CREB5: variants seen among roughly 807,000 people sequenced by gnomAD.
CREB5 encodes cAMP responsive element binding protein 5, also known as cyclic AMP-responsive element-binding protein 5.
A neutral mutation model predicts 57.1 loss-of-function variants in CREB5; 19 were observed. That is an observed-to-expected ratio of 0.33 (90% confidence interval 0.23 to 0.49). CREB5 has a LOEUF of 0.49. CREB5 is among the 20% of genes least tolerant of loss of function. CREB5 has a pLI of 0.99. For missense variants in CREB5, 579 were observed against 671.6 expected (o/e 0.86, Z 1.52); for synonymous variants, 238 against 238.3 (o/e 1.00, Z 0.01).
chr7:28,802,536 T>C (rs1191925772), intron 7 of CREB5, among the ~76,000 whole-genome samples: 1 of 152,228 alleles, frequency 6.6e-6, no homozygotes, highest in Non-Finnish European at 1.5e-5. Flanking sequence ...AACACAAATC[T>C]GGAAAGAACT....
rs535950833 is a variant in CREB5, at chr7:28,494,373, A to AT, written c.76-526dup. 1.9e-3 allele frequency among the ~76,000 whole-genome samples: 290 copies of AT among 152,250 alleles called. 2 individuals are homozygous for AT. The highest frequency in any genetic ancestry group is 6.5e-3 in the African/African-American group (269 of 41,560). ...TTAGGTAGGCATTAGGACACAGCTC[A>AT]TTTTTTTGTATATATATGTTATTTT... On this transcript the variant is annotated intron_variant, in intron 2 of 10. Transcript: ENST00000357727.
intron 1 of CREB5, among the ~76,000 whole-genome samples, chr7:28,436,118 A>AT (rs1292930198): frequency 1.5e-4 from 1 of 6,834 alleles, no homozygotes; most frequent in African/African-American, 1.4e-3. Context: ...TCACAAAGTG[A>AT]ATTTTTTTTT....
chr7:28,600,132 C>A (rs1290705260), intron 5 of CREB5, among the ~76,000 whole-genome samples: 2 of 152,102 alleles, frequency 1.3e-5, no homozygotes, highest in Non-Finnish European at 2.9e-5. Context: ...CCTTTACATA[C>A]CTGTGTCCCT....
intron 1 of CREB5, among the ~76,000 whole-genome samples, chr7:28,398,209 C>T (rs928255564): frequency 6.6e-5 from 10 of 152,118 alleles, no homozygotes; most frequent in African/African-American, 2.4e-4. Context: ...CCATTTTCTC[C>T]TTCATTGTGT....
chr7:28,816,905 A>C (rs187062537), intron 9 of CREB5, among the ~76,000 whole-genome samples: 37 of 152,354 alleles, frequency 2.4e-4, no homozygotes, highest in South Asian at 1.7e-3. Flanking sequence ...CACAATTTTT[A>C]AGTGGCTTAT....
At chr7:28,376,208 G>A (rs6462079) in intron 1 of CREB5, among the ~76,000 whole-genome samples, 115,795 of 151,744 alleles carry the variant, frequency 0.76, 44,437 homozygotes, top group East Asian at 1. Flanking sequence ...CAAGCAAATG[G>A]TCTTCCTTTG....
At position 28,635,682 on chromosome 7, in the gene CREB5, T is replaced by C. The variant is rs138898206; in HGVS notation, c.464+65145T>C. 2.0e-5 allele frequency among the ~76,000 whole-genome samples: 3 copies of C among 152,366 alleles called. No homozygotes were observed. The East Asian group carries it at 5.8e-4, about 29-fold the overall frequency. On this transcript the variant is annotated intron_variant, in intron 5 of 10. Transcript: ENST00000357727. ...TGCCTATCACCATCATCTATCTATG[T>C]TAATTTTGGTTTAGGGTTTTATTAT...
chr7:28,506,358 G>A (rs1348838902), intron 3 of CREB5, among the ~76,000 whole-genome samples: 1 of 152,198 alleles, frequency 6.6e-6, no homozygotes, highest in African/African-American at 2.4e-5. Context: ...TTCAACTTGA[G>A]GGCACCTCTT....
At chr7:28,556,224 CA>C (rs1367008348) in intron 4 of CREB5, among the ~76,000 whole-genome samples, 1 of 152,168 alleles carries the variant, frequency 6.6e-6, no homozygotes. Flanking sequence ...CACCAGGTGC[CA>C]AATTCCATCT....
intron 7 of CREB5, among the ~76,000 whole-genome samples, chr7:28,755,140 A>G (rs980803977): frequency 1.3e-5 from 2 of 152,118 alleles, no homozygotes; most frequent in African/African-American, 4.8e-5. Context: ...GTCCCTCTGT[A>G]AGTTTATAGC....
At chr7:28,805,679 G>A (rs1448901433) in intron 8 of CREB5, among the ~76,000 whole-genome samples, 1 of 152,088 alleles carries the variant, frequency 6.6e-6, no homozygotes, top group African/African-American at 2.4e-5. Flanking sequence ...TCTTAGAGGT[G>A]TTCTACATTG....
At chr7:28,704,970 G>A (rs1230908606) in intron 5 of CREB5, among the ~76,000 whole-genome samples, 4 of 152,110 alleles carry the variant, frequency 2.6e-5, no homozygotes, top group African/African-American at 9.7e-5. Flanking sequence ...TATCATGCAG[G>A]ACTCAGTTAC....
At chr7:28,580,077 C>A (rs1039276985) in intron 5 of CREB5, among the ~76,000 whole-genome samples, 1 of 152,110 alleles carries the variant, frequency 6.6e-6, no homozygotes, top group Non-Finnish European at 1.5e-5. Context: ...GATGAATCTG[C>A]AAACTCAGTG....
chr7:28,642,742 A>T (rs1798705946), intron 5 of CREB5, among the ~76,000 whole-genome samples: 1 of 152,126 alleles, frequency 6.6e-6, no homozygotes, highest in Admixed American at 6.5e-5. Flanking sequence ...AGTTCTGTTA[A>T]CAAAGTTATT....
At chr7:28,455,737 G>A (rs957829375) in intron 1 of CREB5, among the ~76,000 whole-genome samples, 3 of 152,156 alleles carry the variant, frequency 2.0e-5, no homozygotes, top group East Asian at 1.9e-4. Context: ...AGTATTTTAG[G>A]AAGATCCCCC....
At chr7:28,669,597 A>G (rs760521908) in intron 5 of CREB5, among the ~76,000 whole-genome samples, 17 of 152,176 alleles carry the variant, frequency 1.1e-4, no homozygotes, top group Non-Finnish European at 2.1e-4. Flanking sequence ...ATCGGAAGTT[A>G]TTTCAAAATA....
chr7:28,733,993 C>T (rs896687188), intron 7 of CREB5, among the ~76,000 whole-genome samples: 1 of 151,976 alleles, frequency 6.6e-6, no homozygotes, highest in African/African-American at 2.4e-5. Flanking sequence ...AGACACTGAA[C>T]AGGTGTGAAT....
At chr7:28,309,027 T>C (rs377766398) in intron 1 of CREB5, among the ~76,000 whole-genome samples, 1 of 152,200 alleles carries the variant, frequency 6.6e-6, no homozygotes, top group Admixed American at 6.5e-5. Context: ...CAAAAGAGAA[T>C]TCTACAGCAG....
chr7:28,536,013 C>T (rs1278184410), intron 4 of CREB5, among the ~76,000 whole-genome samples: 1 of 152,128 alleles, frequency 6.6e-6, no homozygotes, highest in Non-Finnish European at 1.5e-5. Flanking sequence ...TAAATGGGTC[C>T]CTCAGAGACC....
Sources: gnomAD v4.1 joint callset for allele counts (sites outside exome capture counted in the v4.1 genomes callset) on GRCh38, gnomAD v4.1.1 for gene constraint, MANE v1.5 for transcripts, NCBI Gene and HGNC (gene_info 2026-07-23, HGNC 2026-07-21) for gene names.